Variants in PRSS23 observed in about 807,000 individuals in gnomAD.
PRSS23 encodes the protein serine protease 23, also known as protease, serine 23.
Under a neutral mutation model 34.7 loss-of-function variants are expected in PRSS23, and 25 were observed. The ratio of observed to expected loss-of-function variants is 0.72; its 90% CI spans 0.53 to 1.01. The LOEUF is 1.01. Among genes scored for constraint, PRSS23 ranks in the 50% least tolerant of loss-of-function variants. The pLI is 0.00. For synonymous variants in PRSS23, 176 were observed against 186.6 expected (o/e 0.94, Z 0.46); for missense variants, 445 against 475.6 (o/e 0.94, Z 0.60).
intron 2 of PRSS23, among the ~76,000 whole-genome samples, chr11:86,886,362 AT>A (rs1452486317): frequency 2.0e-5 from 3 of 152,152 alleles, no homozygotes; most frequent in Admixed American, 6.6e-5. Context: ...TTGTAGGAGT[AT>A]AAAGACCTCA....
At chr11:86,847,930 A>G (rs1008641280) in intron 2 of PRSS23, among the ~76,000 whole-genome samples, 1 of 152,074 alleles carries the variant, frequency 6.6e-6, no homozygotes, top group Non-Finnish European at 1.5e-5. Context: ...AATTACCTCC[A>G]TATTCAGGGC....
intron 2 of PRSS23, chr11:86,857,461 G>T: frequency 2.6e-6 from 1 of 387,904 alleles, no homozygotes; most frequent in Non-Finnish European, 5.0e-6. Context: ...AAGTTGAGAT[G>T]GGTCACAGAA....
intron 2 of PRSS23, chr11:86,857,509 G>A (rs992163543): frequency 4.6e-6 from 2 of 438,788 alleles, no homozygotes; most frequent in Non-Finnish European, 9.0e-6. Context: ...AAGAAGGTGA[G>A]TTGTGTAACA....
chr11:86,940,040 G>A (rs1042256538), intron 2 of PRSS23, among the ~76,000 whole-genome samples: 4 of 151,998 alleles, frequency 2.6e-5, no homozygotes, highest in African/African-American at 9.7e-5. Context: ...AATTTGAATC[G>A]GCTACTCTAA....
chr11:86,805,121 G>A (rs1398972657), intron 1 of PRSS23, among the ~76,000 whole-genome samples: 1 of 152,220 alleles, frequency 6.6e-6, no homozygotes, highest in East Asian at 1.9e-4. Context: ...ATACAGCCAT[G>A]TGGGAGATAT....
chr11:86,905,984 A>ACATTCATTCACTCATTCACT (rs1241507316), intron 2 of PRSS23, among the ~76,000 whole-genome samples: 1 of 150,076 alleles, frequency 6.7e-6, no homozygotes, highest in East Asian at 1.9e-4. Context: ...CCCACTGATG[A>ACATTCATTCACTCATTCACT]CATTCATTCA....
chr11:86,821,129 C>T, intron 1 of PRSS23: 1 of 581,926 alleles, frequency 1.7e-6, no homozygotes, highest in Non-Finnish European at 2.6e-6. Context: ...TACATTTTTC[C>T]ATGATTCCCT....
At chr11:86,880,412 C>T (rs1312656113) in intron 2 of PRSS23, among the ~76,000 whole-genome samples, 1 of 151,396 alleles carries the variant, frequency 6.6e-6, no homozygotes, top group Non-Finnish European at 1.5e-5. Flanking sequence ...GCCAAATCCC[C>T]CTCTGTGAGA....
chr11:86,837,142 AT>A (rs1565361463), intron 2 of PRSS23: 1 of 152,228 alleles, frequency 6.6e-6, no homozygotes, highest in African/African-American at 2.4e-5. Context: ...CCAAAGAAAA[AT>A]ATGTAATAAA....
chr11:86,829,022 C>G (rs972025333), intron 2 of PRSS23, among the ~76,000 whole-genome samples: 7 of 152,116 alleles, frequency 4.6e-5, no homozygotes, highest in Non-Finnish European at 5.9e-5. Flanking sequence ...TCTGTATTTC[C>G]TGAATCTGAA....
chr11:86,912,950 C>G (rs1286392550), intron 2 of PRSS23, among the ~76,000 whole-genome samples: 1 of 152,166 alleles, frequency 6.6e-6, no homozygotes, highest in Non-Finnish European at 1.5e-5. Flanking sequence ...ATTAACATGG[C>G]TAAATTCAAT....
intron 2 of PRSS23, among the ~76,000 whole-genome samples, chr11:86,846,431 A>G (rs551403491): frequency 6.6e-6 from 1 of 152,284 alleles, no homozygotes; most frequent in African/African-American, 2.4e-5. Context: ...CTGTCTGGAA[A>G]AGGTTCTCTA....
intron 2 of PRSS23, chr11:86,836,978 A>T (rs1167376473): frequency 6.6e-6 from 1 of 152,194 alleles, no homozygotes; most frequent in Non-Finnish European, 1.5e-5. Flanking sequence ...GTTCTGACAA[A>T]CTCAATTTTT....
At chr11:86,804,798 A>G (rs573604226) in intron 1 of PRSS23, among the ~76,000 whole-genome samples, 1 of 152,182 alleles carries the variant, frequency 6.6e-6, no homozygotes, top group Non-Finnish European at 1.5e-5. Context: ...GATCCTCTAT[A>G]TTGAGAGGTT....
At chr11:86,890,802 G>C (rs1948836396) in intron 2 of PRSS23, among the ~76,000 whole-genome samples, 1 of 152,168 alleles carries the variant, frequency 6.6e-6, no homozygotes, top group African/African-American at 2.4e-5. Context: ...ATGTGGTTAT[G>C]TTGTCCAGCC....
At chr11:86,924,297 G>C (rs1305099947) in intron 2 of PRSS23, among the ~76,000 whole-genome samples, 1 of 152,152 alleles carries the variant, frequency 6.6e-6, no homozygotes, top group Non-Finnish European at 1.5e-5. Context: ...AAGGAACAGG[G>C]AATGTGCTCA....
chr11:86,800,580 C>G lies in PRSS23; in HGVS notation c.-85C>G, dbSNP rs1408847730. 1.0e-6 allele frequency: 1 copy of G among 984,978 alleles called. No homozygotes were observed. The highest frequency in any genetic ancestry group is 1.2e-6 in the Non-Finnish European group (1 of 829,798). 61.0% of individuals were successfully genotyped at this position (984,978 alleles called of 1,614,324 possible). Reference sequence around the variant, plus strand: ...CGGCGGGGCAGGCATGGGAGCCGCGCGCTCTCTCCCGGCGCCCACACCTGT... The same window carrying G: ...CGGCGGGGCAGGCATGGGAGCCGCGGGCTCTCTCCCGGCGCCCACACCTGT... On this transcript the variant is annotated 5_prime_UTR_variant, in exon 1 of 2. Transcript: ENST00000280258.
chr11:86,830,908 G>T, intron 2 of PRSS23, among the ~76,000 whole-genome samples: 1 of 152,076 alleles, frequency 6.6e-6, no homozygotes, highest in East Asian at 1.9e-4. Flanking sequence ...ATATTCTATG[G>T]GGATGTTACT....
At position 86,878,454 on chromosome 11, in the gene PRSS23, G is replaced by A. The variant is rs529493560; in HGVS notation, c.206+54861G>A. Among the ~76,000 whole-genome samples, 28 of 152,222 alleles carry A rather than the reference G, an allele frequency of 1.8e-4. No homozygotes were observed. In the South Asian group the frequency reaches 4.1e-3, roughly 23 times the overall value. The stretch of plus-strand genomic sequence containing the variant: ...CTTTTCGTATTTTTTTGGTGGAGAC[G>A]GGGTTTCGCTGTGTTGGCTGGGCTG... On this transcript the variant is annotated intron_variant, in intron 2 of 2. Coordinates refer to the PRSS23 transcript ENST00000533902.
Sources: allele counts gnomAD v4.1 joint callset (sites outside exome capture counted in the v4.1 genomes callset), GRCh38; gene constraint gnomAD v4.1.1; transcripts MANE v1.5; gene names NCBI Gene and HGNC (gene_info 2026-07-23, HGNC 2026-07-21).